Variants in ZNF318 observed in about 807,000 individuals in gnomAD.
ZNF318 encodes the protein zinc finger protein 318, also known as endocrine regulator.
Under a neutral mutation model 124.2 loss-of-function variants are expected in ZNF318, and 51 were observed. The ratio of observed to expected loss-of-function variants is 0.41; its 90% confidence interval spans 0.33 to 0.52. The LOEUF is 0.52. Ranked by LOEUF, ZNF318 falls within the 20% of genes least tolerant of loss-of-function variation. The pLI is 0.23. For missense variants in ZNF318, 2,815 were observed against 2,811.2 expected (o/e 1.00, Z -0.03); for synonymous variants, 1,090 against 1,040.7 (o/e 1.05, Z -0.91).
In ZNF318 at chr6:43,369,392, C is replaced by T. The variant is rs1779807214; in HGVS notation, c.-27G>A. 2.5e-6 allele frequency: 3 copies of T among 1,204,672 alleles called. No homozygotes were observed. Among genetic ancestry groups the T allele is most frequent in the Non-Finnish European group, 3.1e-6 (3 of 967,998 alleles). 74.6% of individuals were successfully genotyped at this position (1,204,672 alleles called of 1,614,324 possible). ...GTTCTTGCAGCGGCGGCCACGGCGA[C>T]AGCTCTGACCCGGGGGCGCCCTAGA... is the stretch of plus-strand genomic sequence containing the variant. On this transcript the variant is annotated 5_prime_UTR_variant, in exon 1 of 10. Coordinates refer to ENST00000361428, the MANE Select transcript of ZNF318 (RefSeq NM_014345.3).
Position 43,340,332 on chromosome 6 carries a change from T to C in ZNF318, c.3666A>G (p.Glu1222=), listed in dbSNP as rs539397939. ...CAGAGACCTTGTCATCCTCCTTTAC[T>C]TCTTTCACAGCCTTTGCCTTTTTTT... The part of the protein sequence containing the change: ...KKEKKAKAVK[E]VKEDDKVSEK... Residue 1222 remains glutamate, a synonymous_variant, in exon 10 of 10, where the codon GAA becomes GAG. Coordinates refer to ENST00000361428, the MANE Select transcript of ZNF318 (RefSeq NM_014345.3). 1 of 1,614,202 alleles carries C rather than the reference T, an allele frequency of 6.2e-7. No homozygotes were observed. Among genetic ancestry groups the C allele is most frequent in the Admixed American group, 1.7e-5 (1 of 60,026 alleles).
At chr6:43,366,293 GAA>G (rs897358753) in intron 1 of ZNF318, among the ~76,000 whole-genome samples, 9 of 152,218 alleles carry the variant, frequency 5.9e-5, no homozygotes, top group Non-Finnish European at 5.9e-5. Flanking sequence ...CAAAGTGACA[GAA>G]GAGGAAAAGA....
chr6:43,340,656 G>A (rs577690888), intron 9 of ZNF318, 134 bp downstream of exon 9: 2 of 1,500,264 alleles, frequency 1.3e-6, no homozygotes, highest in African/African-American at 1.4e-5. Context: ...TCTCCCACTA[G>A]GATTGAGGAG....
Position 43,337,645 on chromosome 6 carries a change from C to G in ZNF318, c.6353G>C (p.Gly2118Ala). The G allele has an allele frequency of 6.2e-7, 1 of 1,614,136 alleles. No individual in the cohort carries two copies. The highest frequency in any genetic ancestry group is 2.2e-5 in the East Asian group (1 of 44,880). ...GGCCTGGTGTGTTCCCTCTAGGCCC[C>G]CCAAGCCACGGTCAACATTTTCTGT... ...GLTENVDRGL[G>A]GLEGTHQALD... The change falls in exon 10 of 10, where the codon GGG (glycine) becomes GCG (alanine). Residue 2118 changes from glycine (G) to alanine (A), a missense_variant. Physicochemically the swap from Gly to Ala is moderately conservative, Grantham distance 60 (BLOSUM62 0). Around this residue, in one of 4 missense-constraint regions of ZNF318, gnomAD observed 927 missense variants for 820.6 expected, o/e 1.13. Coordinates refer to ENST00000361428, the MANE Select transcript of ZNF318 (RefSeq NM_014345.3).
Position 43,369,322 on chromosome 6 carries a change from G to A in ZNF318, c.44C>T (p.Pro15Leu). The A allele has an allele frequency of 1.5e-6, 2 of 1,347,896 alleles. No homozygotes were observed. Among genetic ancestry groups the A allele is most frequent in the South Asian group, 1.5e-5 (1 of 64,670 alleles). The allele number at this position is 1,347,896 out of a possible 1,614,324, so 83.5% of individuals were successfully genotyped here. The change falls in exon 1 of 10, where the codon CCT becomes CTT. Residue 15 changes from proline (P) to leucine (L), a missense_variant. Transcript: ENST00000361428. ...CGGGCCGCCCCCGCCGTCGTCTTTA[G>A]GCCGGTGGGAAGAGACGGAGGAGCG... ...SARSSVSSHRPKDDGGGGPRS... is the reference protein window; with the variant it reads ...SARSSVSSHRLKDDGGGGPRS...
At position 43,337,061 on chromosome 6, in the gene ZNF318, A is replaced by AG; in HGVS notation, c.*96dup. 8.6e-7 allele frequency: 1 copy of AG among 1,164,550 alleles called. No homozygotes were observed. The highest frequency in any genetic ancestry group is 2.0e-5 in the South Asian group (1 of 50,168). The allele number at this position is 1,164,550 out of a possible 1,614,324, so 72.1% of individuals were successfully genotyped here. A position where few individuals can be genotyped will look rare whatever the true frequency, so the allele number is the denominator to read the frequency against. On this transcript the variant is annotated 3_prime_UTR_variant, in exon 10 of 10. Coordinates refer to ENST00000361428, the MANE Select transcript of ZNF318 (RefSeq NM_014345.3). ...AGATGCTGACTGCATCTCTTGGTGT[A>AG]GGTTCCAGATGAGATAACAAACTAG...
At chr6:43,346,792 T>A (rs532827441) in intron 6 of ZNF318, among the ~76,000 whole-genome samples, 2 of 152,144 alleles carry the variant, frequency 1.3e-5, no homozygotes, top group African/African-American at 4.8e-5. Context: ...ATACCAGATA[T>A]TGCACATCCG....
Position 43,357,594 on chromosome 6 carries a change from G to A in ZNF318, c.720C>T (p.Ile240=). 1 of 1,614,142 alleles carries A rather than the reference G, an allele frequency of 6.2e-7. No homozygotes were observed. Among genetic ancestry groups the A allele is most frequent in the Non-Finnish European group, 8.5e-7 (1 of 1,180,030 alleles). Reference sequence around the variant, plus strand: ...CCCGCAACAGCTCATCATGACAACTGATATGGGGACTATAATCAGATCGAT... The same window carrying A: ...CCCGCAACAGCTCATCATGACAACTAATATGGGGACTATAATCAGATCGAT... ...FLHRSDYSPH[I]SCHDELLRGT... is the part of the protein sequence containing the mutation. Residue 240 remains isoleucine, a synonymous_variant, in exon 3 of 10, where the codon ATC becomes ATT. Coordinates refer to ENST00000361428, the MANE Select transcript of ZNF318 (RefSeq NM_014345.3).
chr6:43,353,996 G>C (rs866634615), intron 4 of ZNF318, among the ~76,000 whole-genome samples: 1 of 152,200 alleles, frequency 6.6e-6, no homozygotes, highest in South Asian at 2.1e-4. Context: ...AGCACTCTGG[G>C]AGAGGCTGGC....
intron 5 of ZNF318, among the ~76,000 whole-genome samples, chr6:43,350,411 T>C (rs1263404374): frequency 6.6e-6 from 1 of 152,146 alleles, no homozygotes; most frequent in African/African-American, 2.4e-5. Context: ...ACTTATCAAA[T>C]GAAGAATCCA....
At position 43,368,999 on chromosome 6, in the gene ZNF318, G is replaced by T; in HGVS notation, c.367C>A (p.Arg123Ser). ...ESRADYARDG[R>S]GDHPGDSGSR... ...CCGCTGTCGCCTGGATGGTCTCCGC[G>T]GCCGTCCCGGGCATAGTCGGCGCGG... is the stretch of plus-strand genomic sequence containing the variant. The change falls in exon 1 of 10, where the codon CGC becomes AGC. Residue 123 changes from arginine (R) to serine (S), a missense_variant. Arg to Ser is a moderately radical substitution (Grantham distance 110, BLOSUM62 -1). Transcript: ENST00000361428. The T allele has an allele frequency of 1.4e-6, 2 of 1,435,476 alleles. No individual in the cohort carries two copies. Among genetic ancestry groups the T allele is most frequent in the Non-Finnish European group, 1.8e-6 (2 of 1,092,508 alleles). 88.9% of individuals were successfully genotyped at this position (1,435,476 alleles called of 1,614,324 possible).
chr6:43,345,345 T>G (rs1012501870), intron 6 of ZNF318, among the ~76,000 whole-genome samples: 1 of 150,464 alleles, frequency 6.6e-6, no homozygotes, highest in African/African-American at 2.4e-5. Context: ...GGAAAGAAAA[T>G]CTCAAACCAA....
Position 43,355,426 on chromosome 6 carries a change from A to G in ZNF318, c.1908T>C (p.Val636=). 1 of 1,614,216 alleles carries G rather than the reference A, an allele frequency of 6.2e-7. No individual in the cohort carries two copies. Among genetic ancestry groups the G allele is most frequent in the Non-Finnish European group, 8.5e-7 (1 of 1,180,032 alleles). The change falls in exon 4 of 10, where the codon GTT becomes GTC. Residue 636 remains valine, a synonymous_variant. Coordinates refer to ENST00000361428, the MANE Select transcript of ZNF318 (RefSeq NM_014345.3). ...LRSSADRRSS[V]DRYFSADHCS... is the part of the protein sequence containing the mutation. Reference sequence around the variant, plus strand: ...AGTGGTCAGCTGAAAAGTATCGGTCAACTGAGGAACGGCGGTCAGCTGAGG... The same window carrying G: ...AGTGGTCAGCTGAAAAGTATCGGTCGACTGAGGAACGGCGGTCAGCTGAGG...
chr6:43,343,014 TGGGGGGA>T (rs1284269357), intron 6 of ZNF318, 135 bp from the exon 7 acceptor site: 1 of 704,818 alleles, frequency 1.4e-6, no homozygotes, highest in African/African-American at 1.8e-5. Flanking sequence ...CTGCACAAGT[TGGGGGGA>T]ACCCTAACAG....
Position 43,355,934 on chromosome 6 carries a change from C to G in ZNF318, c.1400G>C (p.Arg467Thr). The change falls in exon 4 of 10, where the codon AGA becomes ACA. Residue 467 changes from arginine to threonine, a missense_variant. Around this residue, in one of 4 missense-constraint regions of ZNF318, gnomAD observed 1,377 missense variants for 1,353.5 expected, o/e 1.02. Transcript: ENST00000361428. ...GCATAGAAAACTTCCAAATTTTTCT[C>G]TGAGAGGACTGTTGTCTTTGGGAAT... ...PGIPKDNSPL[R>T]EKFGSFLCHK... The G allele has an allele frequency of 6.2e-7, 1 of 1,614,206 alleles. No individual in the cohort carries two copies. Among genetic ancestry groups the G allele is most frequent in the East Asian group, 2.2e-5 (1 of 44,884 alleles).
At position 43,369,499 on chromosome 6, in the gene ZNF318, C is replaced by A. The variant is rs927160262; in HGVS notation, c.-134G>T. The A allele has an allele frequency of 7.5e-6, 5 of 667,300 alleles. No homozygotes were observed. In the East Asian group the frequency reaches 3.7e-4, roughly 50 times the overall value. 41.3% of individuals were successfully genotyped at this position (667,300 alleles called of 1,614,324 possible). On this transcript the variant is annotated 5_prime_UTR_variant, in exon 1 of 10. Transcript: ENST00000361428. ...GCCGCCTCAGCCGCGGGAGCAGCCC[C>A]CTCCCCTCGGCCCCGCGTCGCCCCG...
At position 43,337,633 on chromosome 6, in the gene ZNF318, C is replaced by A. The variant is rs144311647; in HGVS notation, c.6365G>T (p.Gly2122Val). ...TAACAGGTCAAGGGCCTGGTGTGTT[C>A]CCTCTAGGCCCCCCAAGCCACGGTC... is the stretch of plus-strand genomic sequence containing the variant. ...NVDRGLGGLE[G>V]THQALDLLAG... Residue 2122 changes from glycine to valine, a missense_variant, in exon 10 of 10, where the codon GGA becomes GTA. Around this residue, in one of 4 missense-constraint regions of ZNF318, gnomAD observed 927 missense variants for 820.6 expected, o/e 1.13. Transcript: ENST00000361428. 5.6e-5 allele frequency: 90 copies of A among 1,614,064 alleles called. No homozygotes were observed. In the African/African-American group the frequency reaches 1.1e-3, roughly 21 times the overall value.
chr6:43,339,805 T>A lies in ZNF318; in HGVS notation c.4193A>T (p.Asp1398Val). 6.2e-7 allele frequency: 1 copy of A among 1,614,152 alleles called. No individual in the cohort carries two copies. Among genetic ancestry groups the A allele is most frequent in the Non-Finnish European group, 8.5e-7 (1 of 1,180,036 alleles). ...GATGATGTCTGGAGGTAAGAGGAGA[T>A]CAGCTGAAGACTCTTTAACCACTGG... ...PLPVVKESSADLLLPPDIISK... is the reference protein window; with the variant it reads ...PLPVVKESSAVLLLPPDIISK... The change falls in exon 10 of 10, where the codon GAT (aspartate) becomes GTT (valine). Residue 1398 changes from aspartate to valine, a missense_variant. This residue lies in a region of ZNF318 where 500 missense variants were observed against 605.2 expected (regional missense o/e 0.83). Coordinates refer to ENST00000361428, the MANE Select transcript of ZNF318 (RefSeq NM_014345.3). This position sits in a 1 kb window ranked among gnomAD's most constrained non-coding sequence, Gnocchi z 4.2.
chr6:43,356,171 A>C (rs1285962726), intron 3 of ZNF318, 26 bp from the exon 4 acceptor site: 1 of 1,580,952 alleles, frequency 6.3e-7, no homozygotes, highest in East Asian at 2.2e-5. Flanking sequence ...CAACTGATTT[A>C]GTCTTATGCA....
Sources: gnomAD v4.1 joint callset for allele counts (sites outside exome capture counted in the v4.1 genomes callset) on GRCh38, gnomAD v4.1.1 for gene constraint, gnomAD v4.1.1 regional missense constraint, Gnocchi (gnomAD v3.1) non-coding constraint, MANE v1.5 for transcripts, NCBI Gene and HGNC (gene_info 2026-07-23, HGNC 2026-07-21) for gene names.